DMTF1: variants seen among roughly 807,000 people sequenced by gnomAD.
DMTF1 encodes the protein cyclin-D-binding Myb-like transcription factor 1.
DMTF1 carries 39 observed loss-of-function variants against 91.1 expected under a neutral mutation model. That is an observed-to-expected ratio of 0.43 (90% CI 0.33 to 0.56). DMTF1 has a LOEUF of 0.56. Among genes scored for constraint, DMTF1 ranks in the 20% least tolerant of loss-of-function variants. The pLI is 0.05. For missense variants in DMTF1, 750 were observed against 914.5 expected (o/e 0.82, Z 2.32); for synonymous variants, 338 against 309.5 (o/e 1.09, Z -0.97).
At chr7:87,181,394 TA>T in intron 9 of DMTF1, 53 bp downstream of exon 9, 1 of 889,126 alleles carries the variant, frequency 1.1e-6, no homozygotes. Flanking sequence ...CTTACGTCCT[TA>T]AAAGTTTTAC....
At chr7:87,182,500 A>G (rs1216109105) in intron 10 of DMTF1, among the ~76,000 whole-genome samples, 163 bp downstream of exon 10, 1 of 152,156 alleles carries the variant, frequency 6.6e-6, no homozygotes, top group African/African-American at 2.4e-5. Flanking sequence ...AGATATATCA[A>G]ACTAATCTTT....
intron 4 of DMTF1, among the ~76,000 whole-genome samples, chr7:87,168,527 C>T (rs1794349043): frequency 6.6e-6 from 1 of 152,176 alleles, no homozygotes; most frequent in African/African-American, 2.4e-5. Context: ...TGTTCCTTCT[C>T]TACTTGTATC....
chr7:87,181,806 T>G (rs1386821274), intron 9 of DMTF1, among the ~76,000 whole-genome samples: 2 of 152,210 alleles, frequency 1.3e-5, no homozygotes, highest in African/African-American at 4.8e-5. Context: ...TATGGTTTAA[T>G]GAATTGTATG....
chr7:87,195,195 C>T lies in DMTF1; in HGVS notation c.*55C>T. 1 of 1,285,762 alleles carries T rather than the reference C, an allele frequency of 7.8e-7. No homozygotes were observed. Among genetic ancestry groups the T allele is most frequent in the Admixed American group, 1.8e-5 (1 of 55,220 alleles). The allele number at this position is 1,285,762 out of a possible 1,614,324, so 79.6% of individuals were successfully genotyped here. ...AAAGAAGGCACACTGTTAATTACAA[C>T]CTCTTCAAAGAAATAGGAGCAACCC... On this transcript the variant is annotated 3_prime_UTR_variant, in exon 18 of 18. Coordinates refer to ENST00000331242, the MANE Select transcript of DMTF1 (RefSeq NM_001142327.2).
At chr7:87,169,728 C>T (rs1794657332) in intron 4 of DMTF1, among the ~76,000 whole-genome samples, 2 of 152,102 alleles carry the variant, frequency 1.3e-5, no homozygotes, top group African/African-American at 4.8e-5. Context: ...TTTATTACTC[C>T]CTCCTCCCTG....
chr7:87,157,845 T>C (rs543167755), intron 1 of DMTF1, among the ~76,000 whole-genome samples: 1 of 151,074 alleles, frequency 6.6e-6, no homozygotes, highest in South Asian at 2.1e-4. Context: ...TAAGGTTATG[T>C]GTTTTTTTTT....
chr7:87,173,704 G>A, intron 6 of DMTF1, 55 bp downstream of exon 6: 1 of 1,121,998 alleles, frequency 8.9e-7, no homozygotes, highest in Non-Finnish European at 1.3e-6. Context: ...AGATAGAAAG[G>A]GCTTATAGTC....
intron 12 of DMTF1, chr7:87,186,563 A>G (rs1798488644): frequency 6.6e-6 from 1 of 152,506 alleles, no homozygotes; most frequent in Admixed American, 6.5e-5. Flanking sequence ...ATAACCTTTC[A>G]GTCAACAACA....
chr7:87,194,942 G>A (rs1800939710), intron 17 of DMTF1, 89 bp from the exon 18 acceptor site: 1 of 1,424,756 alleles, frequency 7.0e-7, no homozygotes, highest in South Asian at 1.2e-5. Context: ...GTCCTGTTGA[G>A]TTCTACACTG....
chr7:87,193,868 T>G lies in DMTF1; in HGVS notation c.1794T>G (p.Ser598=). The stretch of plus-strand genomic sequence containing the variant: ...CAGTCGATAGTGATATTCAGTCATC[T>G]GATTTTCCTGAGCCTCCAGACGCCC... ...ELTVDSDIQS[S]DFPEPPDALE... Residue 598 remains serine (S), a synonymous_variant, in exon 16 of 18, where the codon TCT becomes TCG. Transcript: ENST00000331242. 1 of 1,613,484 alleles carries G rather than the reference T, an allele frequency of 6.2e-7. No homozygotes were observed.
chr7:87,157,380 C>T (rs1232073553), intron 1 of DMTF1, among the ~76,000 whole-genome samples: 1 of 152,136 alleles, frequency 6.6e-6, no homozygotes, highest in Non-Finnish European at 1.5e-5. Flanking sequence ...TCCTGTGCTG[C>T]TCATGATTGC....
At chr7:87,175,676 TCTTAAAGGATAGAA>T (rs1562816752) in intron 7 of DMTF1, among the ~76,000 whole-genome samples, 1 of 152,186 alleles carries the variant, frequency 6.6e-6, no homozygotes, top group Admixed American at 6.5e-5. Flanking sequence ...ATTTGAGCTG[TCTTAAAGGATAGAA>T]CTTGGGCTAG....
At chr7:87,178,873 T>C (rs543721114) in intron 7 of DMTF1, among the ~76,000 whole-genome samples, 1 of 152,038 alleles carries the variant, frequency 6.6e-6, no homozygotes, top group South Asian at 2.1e-4. Context: ...GGGCCTAGTG[T>C]TTTTATTTTG....
chr7:87,174,413 G>C (rs867939777), intron 6 of DMTF1, among the ~76,000 whole-genome samples, 180 bp from the exon 7 acceptor site: 9 of 151,940 alleles, frequency 5.9e-5, no homozygotes, highest in African/African-American at 1.7e-4. Flanking sequence ...GTATTCTAGC[G>C]TAAAAACCAG....
At chr7:87,188,069 T>G in intron 12 of DMTF1, 23 bp from the exon 13 acceptor site, 1 of 1,598,808 alleles carries the variant, frequency 6.3e-7, no homozygotes, top group Non-Finnish European at 8.6e-7. Flanking sequence ...CAATGTTCTT[T>G]TTGTCTACCC....
At chr7:87,169,819 A>G (rs943060857) in intron 4 of DMTF1, among the ~76,000 whole-genome samples, 2 of 152,244 alleles carry the variant, frequency 1.3e-5, no homozygotes, top group East Asian at 3.9e-4. Context: ...TCCACTGCTG[A>G]CTTTTCCATG....
At chr7:87,155,786 C>T (rs1313436238) in intron 1 of DMTF1, among the ~76,000 whole-genome samples, 1 of 129,730 alleles carries the variant, frequency 7.7e-6, no homozygotes, top group Non-Finnish European at 1.6e-5. Context: ...CATTCCATGA[C>T]TGAGTACTAG....
At chr7:87,165,207 G>A (rs549746607) in intron 3 of DMTF1, among the ~76,000 whole-genome samples, 157 bp downstream of exon 3, 1 of 152,158 alleles carries the variant, frequency 6.6e-6, no homozygotes, top group Non-Finnish European at 1.5e-5. Context: ...GTTAGTTTTT[G>A]TCAATCTTGT....
chr7:87,192,150 C>T (rs920860451), intron 14 of DMTF1, among the ~76,000 whole-genome samples: 5 of 152,014 alleles, frequency 3.3e-5, no homozygotes, highest in Non-Finnish European at 7.4e-5. Context: ...CAGGTTTTTA[C>T]TTATGGGGTC....
Sources: allele counts gnomAD v4.1 joint callset (sites outside exome capture counted in the v4.1 genomes callset), GRCh38; gene constraint gnomAD v4.1.1; transcripts MANE v1.5; gene names NCBI Gene and HGNC (gene_info 2026-07-23, HGNC 2026-07-21).